Variants in NBEA observed in about 807,000 individuals in gnomAD.
The protein encoded by NBEA is neurobeachin.
In NBEA, 44 loss-of-function variants were observed where a neutral mutation model predicts 343.4. The observed-to-expected ratio is 0.13, with a 90% confidence interval of 0.10 to 0.16. NBEA has a LOEUF of 0.16. Among genes scored for constraint, NBEA ranks in the 10% least tolerant of loss-of-function variants. The pLI is 1.00. For synonymous variants in NBEA, 1,175 were observed against 1,238.7 expected, an observed-to-expected ratio of 0.95 and a Z score of 1.08; for missense variants, 2,555 against 3,631.3, an observed-to-expected ratio of 0.70 and a Z score of 7.62.
At chr13:35,609,560 T>C (rs1418945190) in intron 48 of NBEA, among the ~76,000 whole-genome samples, 2 of 152,164 alleles carry the variant, frequency 1.3e-5, no homozygotes, top group Non-Finnish European at 2.9e-5. Flanking sequence ...ATTAACAAAA[T>C]TGTGTTGTGA....
At chr13:35,047,201 TTGTG>T (rs139134555) in intron 4 of NBEA, among the ~76,000 whole-genome samples, 4,057 of 148,050 alleles carry the variant, frequency 0.027, 80 homozygotes, top group South Asian at 0.075. Flanking sequence ...TCATTTGAAA[TTGTG>T]TGTGTGTGTG....
intron 36 of NBEA, among the ~76,000 whole-genome samples, chr13:35,312,219 T>C (rs2037417308): frequency 6.6e-6 from 1 of 152,206 alleles, no homozygotes; most frequent in South Asian, 2.1e-4. Context: ...GATGCAATCG[T>C]ACCACAGAAT....
rs9315333 is a variant in NBEA, at chr13:35,154,104, C to T, written c.2446-1670C>T. On this transcript the variant is annotated intron_variant, in intron 18 of 58. Transcript: ENST00000379939. Reference sequence around the variant, plus strand: ...ATCAGAGGTATGAGAATGAGGGGAACGGGGGTAATTAAATGCTATATTCTT... The same window carrying T: ...ATCAGAGGTATGAGAATGAGGGGAATGGGGGTAATTAAATGCTATATTCTT... Among the ~76,000 whole-genome samples the T allele has an allele frequency of 6.9e-3, 1,055 of 152,024 alleles. 12 individuals carry two copies. Among genetic ancestry groups the T allele is most frequent in the African/African-American group, 0.024 (1,012 of 41,446 alleles).
intron 17 of NBEA, among the ~76,000 whole-genome samples, chr13:35,133,127 T>C (rs2067515853): frequency 6.6e-6 from 1 of 152,092 alleles, no homozygotes. Flanking sequence ...ACAGTGGATT[T>C]GTATCCTAAA....
intron 1 of NBEA, among the ~76,000 whole-genome samples, chr13:34,973,444 G>C (rs747171408): frequency 5.6e-4 from 86 of 152,312 alleles, no homozygotes; most frequent in Non-Finnish European, 9.8e-4. Context: ...CTCCCTCTGG[G>C]AGCTCTGTCC....
intron 38 of NBEA, among the ~76,000 whole-genome samples, chr13:35,364,846 C>A (rs920215044): frequency 6.6e-6 from 1 of 151,656 alleles, no homozygotes; most frequent in Non-Finnish European, 1.5e-5. Flanking sequence ...TTAAAAGAAT[C>A]CCATCTCAAA....
At position 35,048,619 on chromosome 13, in the gene NBEA, C is replaced by T; in HGVS notation, c.780C>T (p.Asn260=). 6.4e-7 allele frequency: 1 copy of T among 1,557,122 alleles called. No individual in the cohort carries two copies. Among genetic ancestry groups the T allele is most frequent in the Non-Finnish European group, 8.8e-7 (1 of 1,130,588 alleles). ...CTTATCAGAATGGCTTCACCTTAAACACTTGGTTTCGTATGGATCCATTAA... is the reference window on the plus strand; with the variant it reads ...CTTATCAGAATGGCTTCACCTTAAATACTTGGTTTCGTATGGATCCATTAA... ...KWPYQNGFTL[N]TWFRMDPLNN... is the part of the protein sequence containing the mutation. Residue 260 remains asparagine, a synonymous_variant, in exon 5 of 59, where the codon AAC becomes AAT. Transcript: ENST00000379939.
intron 10 of NBEA, among the ~76,000 whole-genome samples, chr13:35,095,203 A>T (rs1336680036): frequency 1.3e-5 from 2 of 151,672 alleles, no homozygotes; most frequent in East Asian, 3.8e-4. Flanking sequence ...TATGGATCAC[A>T]TTACATGAGT....
chr13:35,180,146 A>G (rs2071214620), intron 28 of NBEA, among the ~76,000 whole-genome samples: 1 of 151,772 alleles, frequency 6.6e-6, no homozygotes, highest in South Asian at 2.1e-4. Flanking sequence ...AGATGAAGTA[A>G]TAAATATAAA....
At chr13:35,519,476 A>G (rs1164669742) in intron 41 of NBEA, among the ~76,000 whole-genome samples, 1 of 152,132 alleles carries the variant, frequency 6.6e-6, no homozygotes, top group Admixed American at 6.5e-5. Context: ...AGTGCTTTTG[A>G]TTATAAAGAT....
chr13:35,296,410 A>G (rs551309138), intron 35 of NBEA, among the ~76,000 whole-genome samples: 2 of 151,868 alleles, frequency 1.3e-5, no homozygotes, highest in Admixed American at 6.6e-5. Context: ...AAAAAGAACA[A>G]CAGTCTTTTT....
intron 36 of NBEA, among the ~76,000 whole-genome samples, chr13:35,313,904 G>T (rs1261471413): frequency 2.0e-5 from 3 of 152,126 alleles, no homozygotes; most frequent in African/African-American, 7.2e-5. Context: ...TAGAGTGGTT[G>T]CTGTAGGTGA....
intron 40 of NBEA, among the ~76,000 whole-genome samples, chr13:35,470,132 A>G (rs1273982776): frequency 1.3e-5 from 2 of 152,226 alleles, no homozygotes; most frequent in Non-Finnish European, 2.9e-5. Context: ...ATGACACACT[A>G]TTAATGCTGA....
chr13:35,216,746 T>C (rs1477249446), intron 33 of NBEA, among the ~76,000 whole-genome samples: 1 of 152,004 alleles, frequency 6.6e-6, no homozygotes, highest in Non-Finnish European at 1.5e-5. Context: ...AGTATGTTCC[T>C]TTTTTATTTC....
At chr13:35,175,834 A>G (rs774376540) in intron 27 of NBEA, among the ~76,000 whole-genome samples, 6 of 152,150 alleles carry the variant, frequency 3.9e-5, no homozygotes, top group Non-Finnish European at 8.8e-5. Context: ...CATGAATCCC[A>G]TACCTTCATG....
chr13:35,348,791 G>C (rs9600557), intron 36 of NBEA, among the ~76,000 whole-genome samples: 3,502 of 152,026 alleles, frequency 0.023, 142 homozygotes, highest in African/African-American at 0.08. Context: ...TTACCTCTAA[G>C]ATAGTGACTT....
intron 56 of NBEA, 116 bp from the exon 57 acceptor site, chr13:35,667,258 C>T (rs1188814661): frequency 2.4e-6 from 2 of 821,678 alleles, no homozygotes; most frequent in Non-Finnish European, 2.0e-6. Flanking sequence ...CTACCTCTTT[C>T]CTGTCCTCTT....
At chr13:35,449,476 T>C (rs1009659733) in intron 39 of NBEA, among the ~76,000 whole-genome samples, 1 of 152,128 alleles carries the variant, frequency 6.6e-6, no homozygotes, top group Non-Finnish European at 1.5e-5. Flanking sequence ...GTAAGAGAAA[T>C]GTTCAGTTAA....
At chr13:35,011,172 A>T (rs1426392669) in intron 1 of NBEA, among the ~76,000 whole-genome samples, 1 of 152,066 alleles carries the variant, frequency 6.6e-6, no homozygotes, top group Non-Finnish European at 1.5e-5. Context: ...TTATTTTGGT[A>T]ACCCTACAGG....
Sources: allele counts gnomAD v4.1 joint callset (sites outside exome capture counted in the v4.1 genomes callset), GRCh38; gene constraint gnomAD v4.1.1; transcripts MANE v1.5; gene names NCBI Gene and HGNC (gene_info 2026-07-23, HGNC 2026-07-21).